Variants in ADARB2 observed in about 807,000 individuals in gnomAD.
ADARB2 encodes adenosine deaminase RNA specific B2 (inactive), also known as inactive double-stranded RNA-specific editase B2.
ADARB2 carries 25 observed loss-of-function variants against 62.2 expected under a neutral mutation model. The observed-to-expected ratio is 0.40, with a 90% CI of 0.29 to 0.56. ADARB2 has a LOEUF of 0.56. ADARB2 is among the 20% of genes least tolerant of loss of function. ADARB2 has a pLI of 0.43. For synonymous variants in ADARB2, 572 were observed against 500.8 expected, an observed-to-expected ratio of 1.14 and a Z score of -1.90; for missense variants, 1,071 against 1,077.4, an observed-to-expected ratio of 0.99 and a Z score of 0.08.
intron 4 of ADARB2, among the ~76,000 whole-genome samples, chr10:1,245,765 CTT>C (rs1275936263): frequency 1.3e-5 from 2 of 152,126 alleles, no homozygotes; most frequent in Non-Finnish European, 2.9e-5. Context: ...GGTTCCAAGT[CTT>C]TGCTATCATG....
At chr10:1,332,476 G>A (rs1589195224) in intron 3 of ADARB2, among the ~76,000 whole-genome samples, 1 of 130,372 alleles carries the variant, frequency 7.7e-6, no homozygotes, top group African/African-American at 3.1e-5. Flanking sequence ...ACTAGCATCA[G>A]TTTTGTTTTT....
In ADARB2 at chr10:1,568,426, G is replaced by A. The variant is rs61480220; in HGVS notation, c.100+168625C>T. ...CCGTCTCCGCAGACACTGGCTCCCC[G>A]CAACCAAACTTCTCACCAGTCAACC... On this transcript the variant is annotated intron_variant, in intron 1 of 9. Transcript: ENST00000381312. Among the ~76,000 whole-genome samples the A allele has an allele frequency of 9.9e-3, 1,508 of 152,286 alleles. 19 individuals are homozygous for A. Among genetic ancestry groups the A allele is most frequent in the African/African-American group, 0.034 (1,431 of 41,556 alleles).
chr10:1,414,536 A>T (rs1407888843), intron 1 of ADARB2, among the ~76,000 whole-genome samples: 1 of 152,198 alleles, frequency 6.6e-6, no homozygotes, highest in Non-Finnish European at 1.5e-5. Context: ...GCTCTCCATT[A>T]TCTCAGGTAG....
chr10:1,392,619 G>T (rs1234593764), intron 1 of ADARB2, among the ~76,000 whole-genome samples: 1 of 152,088 alleles, frequency 6.6e-6, no homozygotes, highest in East Asian at 1.9e-4. Context: ...GAGGAACATG[G>T]GTTTTACAAC....
chr10:1,381,551 G>A (rs1004688851), intron 1 of ADARB2, among the ~76,000 whole-genome samples: 6 of 152,270 alleles, frequency 3.9e-5, no homozygotes, highest in East Asian at 3.9e-4. Context: ...TCATATCCTC[G>A]GCAGCATCGT....
At chr10:1,690,745 T>C (rs2119125791) in intron 1 of ADARB2, among the ~76,000 whole-genome samples, 1 of 152,310 alleles carries the variant, frequency 6.6e-6, no homozygotes, top group South Asian at 2.1e-4. Flanking sequence ...ATGTCTTCCA[T>C]GATCCGATCC....
intron 1 of ADARB2, among the ~76,000 whole-genome samples, chr10:1,424,412 G>A (rs2820656): frequency 0.13 from 20,292 of 152,074 alleles, 1,838 homozygotes; most frequent in African/African-American, 0.25. Context: ...CAAAAACCAC[G>A]CGAGATGGCA....
At chr10:1,551,090 A>T (rs1343733445) in intron 1 of ADARB2, among the ~76,000 whole-genome samples, 1 of 152,160 alleles carries the variant, frequency 6.6e-6, no homozygotes, top group Non-Finnish European at 1.5e-5. Context: ...AAGTCATATG[A>T]CTGGACCCTG....
chr10:1,534,141 T>G (rs68015307), intron 1 of ADARB2, among the ~76,000 whole-genome samples: 36,814 of 148,728 alleles, frequency 0.25, 4,893 homozygotes, highest in African/African-American at 0.33. Flanking sequence ...GAAATAGTTT[T>G]TTTTTTTTTT....
At chr10:1,496,089 CCAT>C (rs1017331273) in intron 1 of ADARB2, among the ~76,000 whole-genome samples, 3 of 150,416 alleles carry the variant, frequency 2.0e-5, no homozygotes, top group African/African-American at 4.9e-5. Flanking sequence ...ATCGTCATCA[CCAT>C]CATCATCGTC....
chr10:1,696,304 TTA>T (rs777775592), intron 1 of ADARB2, among the ~76,000 whole-genome samples: 13 of 152,164 alleles, frequency 8.5e-5, no homozygotes, highest in Admixed American at 5.2e-4. Flanking sequence ...TGCTTTGCGT[TTA>T]TATGTGTGCA....
In ADARB2 at chr10:1,495,161, G is replaced by A. The variant is rs188639860; in HGVS notation, c.101-116001C>T. Among the ~76,000 whole-genome samples, 211 of 152,224 alleles carry A rather than the reference G, an allele frequency of 1.4e-3. 2 individuals are homozygous for A. Among genetic ancestry groups the A allele is most frequent in the Non-Finnish European group, 1.8e-3 (124 of 68,006 alleles). ...TTTTTATCATAATTAGTAGAAATTGGTGAACTGAACTCCTTTAAGTCTGCT... is the reference window on the plus strand; with the variant it reads ...TTTTTATCATAATTAGTAGAAATTGATGAACTGAACTCCTTTAAGTCTGCT... On this transcript the variant is annotated intron_variant, in intron 1 of 9. Transcript: ENST00000381312.
chr10:1,295,319 G>A (rs1831513680), intron 3 of ADARB2, among the ~76,000 whole-genome samples: 2 of 152,184 alleles, frequency 1.3e-5, no homozygotes, highest in African/African-American at 4.8e-5. Flanking sequence ...TGGGAAGAGT[G>A]TGAGAGTTCG....
chr10:1,643,991 C>T (rs564516907), intron 1 of ADARB2, among the ~76,000 whole-genome samples: 1 of 152,252 alleles, frequency 6.6e-6, no homozygotes, highest in South Asian at 2.1e-4. Context: ...CCGAATCGCA[C>T]GCAGCCCACA....
intron 2 of ADARB2, among the ~76,000 whole-genome samples, chr10:1,375,709 C>T (rs1456156705): frequency 6.6e-6 from 1 of 152,212 alleles, no homozygotes; most frequent in Non-Finnish European, 1.5e-5. Flanking sequence ...CACCCTTGCT[C>T]CTGACATATG....
intron 1 of ADARB2, among the ~76,000 whole-genome samples, chr10:1,460,251 A>G (rs1290989965): frequency 2.5e-4 from 6 of 23,732 alleles, no homozygotes; most frequent in East Asian, 1.3e-3. Flanking sequence ...TACCTGCGTA[A>G]CAAACCTGCC....
chr10:1,258,124 CTCTT>C (rs1418152785), intron 4 of ADARB2, among the ~76,000 whole-genome samples: 1 of 152,080 alleles, frequency 6.6e-6, no homozygotes, highest in African/African-American at 2.4e-5. Context: ...CTCTCTTTTT[CTCTT>C]TCTCTCTCCC....
intron 1 of ADARB2, among the ~76,000 whole-genome samples, chr10:1,712,823 A>T (rs1834967442): frequency 6.6e-6 from 1 of 151,754 alleles, no homozygotes; most frequent in Admixed American, 6.6e-5. Flanking sequence ...GTTAGTCAGG[A>T]TGGTCTTAAT....
At chr10:1,665,727 C>T (rs896257973) in intron 1 of ADARB2, among the ~76,000 whole-genome samples, 11 of 152,184 alleles carry the variant, frequency 7.2e-5, no homozygotes, top group Admixed American at 3.3e-4. Flanking sequence ...GGCCGGGGTC[C>T]GGGGGAAGGG....
Sources: gnomAD v4.1 joint callset for allele counts (sites outside exome capture counted in the v4.1 genomes callset) on GRCh38, gnomAD v4.1.1 for gene constraint, MANE v1.5 for transcripts, NCBI Gene and HGNC (gene_info 2026-07-23, HGNC 2026-07-21) for gene names.